Variants in SAMD4B observed in about 807,000 individuals in gnomAD.
SAMD4B encodes protein Smaug homolog 2.
A neutral mutation model predicts 74.5 loss-of-function variants in SAMD4B; 5 were observed. The observed-to-expected ratio is 0.07, with a 90% CI of 0.04 to 0.14. The LOEUF (loss-of-function observed/expected upper bound fraction) is 0.14. Ranked by LOEUF, SAMD4B falls within the 10% of genes least tolerant of loss-of-function variation. The pLI, the probability that SAMD4B is intolerant of heterozygous loss-of-function variation, is 1.00. For missense variants in SAMD4B, 608 were observed against 921.8 expected, an observed-to-expected ratio of 0.66 and a Z score of 4.41; for synonymous variants, 373 against 374.9, an observed-to-expected ratio of 1.00 and a Z score of 0.06.
rs570647494 is a variant in SAMD4B, at chr19:39,380,247, C to T, written c.1649+163C>T. On this transcript the variant is annotated intron_variant, in intron 10 of 13. Coordinates refer to ENST00000610417, the MANE Select transcript of SAMD4B (RefSeq NM_001384574.2). ...ATTTCCACTAGAATAGGATGCTGAGCTGAAAAACAACACATGTCCCATGAG... is the reference window on the plus strand; with the variant it reads ...ATTTCCACTAGAATAGGATGCTGAGTTGAAAAACAACACATGTCCCATGAG... Among the ~76,000 whole-genome samples the T allele has an allele frequency of 7.3e-4, 111 of 152,298 alleles. 1 individual carries two copies. Among genetic ancestry groups the T allele is most frequent in the African/African-American group, 2.6e-3 (107 of 41,566 alleles).
intron 12 of SAMD4B, among the ~76,000 whole-genome samples, chr19:39,382,711 ATGG>A (rs2078072074): frequency 6.6e-6 from 1 of 152,166 alleles, no homozygotes; most frequent in South Asian, 2.1e-4. Flanking sequence ...GACAAGTCCC[ATGG>A]TGGTTGTCCT....
chr19:39,383,096 C>T lies in SAMD4B; in HGVS notation c.1973-112C>T, dbSNP rs988792218. On this transcript the variant is annotated intron_variant, in intron 12 of 13. Coordinates refer to ENST00000610417, the MANE Select transcript of SAMD4B (RefSeq NM_001384574.2). The surrounding 1 kb of genome is among the most constrained non-coding windows in gnomAD (Gnocchi z 4.1). ...TCCACCTCCTCCCGTTCTTCCCTCT[C>T]CCCCTCCATCTCTCTTGCTCCCTTC... is the stretch of plus-strand genomic sequence containing the variant. 1 of 846,218 alleles carries T rather than the reference C, an allele frequency of 1.2e-6. No homozygotes were observed. The highest frequency in any genetic ancestry group is 2.1e-6 in the Non-Finnish European group (1 of 486,670). 52.4% of individuals were successfully genotyped at this position (846,218 alleles called of 1,614,324 possible).
rs192180135 is a variant in SAMD4B, at chr19:39,375,329, G to A, written c.668-321G>A. 3.1e-3 allele frequency among the ~76,000 whole-genome samples: 471 copies of A among 152,316 alleles called. 7 individuals carry two copies. In the South Asian group the frequency reaches 0.047, roughly 15 times the overall value. On this transcript the variant is annotated intron_variant, in intron 4 of 13. Transcript: ENST00000610417. This position sits in a 1 kb window ranked among gnomAD's most constrained non-coding sequence, Gnocchi z 4.1. ...AGAAGGACCTTTATGGCTGTTGTGA[G>A]GGGCGTGGACTGTAGGAGGCAAGAG... is the stretch of plus-strand genomic sequence containing the variant.
At position 39,385,390 on chromosome 19, in the gene SAMD4B, G is replaced by T; in HGVS notation, c.*1863G>T. The T allele has an allele frequency of 2.5e-6, 1 of 406,170 alleles. No individual in the cohort carries two copies. Among genetic ancestry groups the T allele is most frequent in the Non-Finnish European group, 4.3e-6 (1 of 230,244 alleles). The allele number at this position is 406,170 out of a possible 1,614,324, so 25.2% of individuals were successfully genotyped here. ...TGCCTGGCACTGGGAGGTGGTGAGG[G>T]ACACCGTCTCACACACACAGGGAGG... On this transcript the variant is annotated 3_prime_UTR_variant, in exon 14 of 14. Transcript: ENST00000610417.
intron 1 of SAMD4B, among the ~76,000 whole-genome samples, chr19:39,344,204 C>T (rs978259373): frequency 6.6e-6 from 1 of 152,114 alleles, no homozygotes; most frequent in African/African-American, 2.4e-5. Context: ...AAGACCCTCA[C>T]ACACACCTAA....
chr19:39,387,873 C>T (rs2078287517), downstream of SAMD4B, among the ~76,000 whole-genome samples: 1 of 152,220 alleles, frequency 6.6e-6, no homozygotes, highest in African/African-American at 2.4e-5. Flanking sequence ...CGTGGTGGCT[C>T]ACACCTGTAA....
At chr19:39,346,943 A>G (rs2075737529) in intron 1 of SAMD4B, among the ~76,000 whole-genome samples, 1 of 152,248 alleles carries the variant, frequency 6.6e-6, no homozygotes, top group South Asian at 2.1e-4. Flanking sequence ...AGTACTTAGA[A>G]CAATGTCTTG....
In SAMD4B at chr19:39,378,809, A is replaced by G. The variant is rs2077763128; in HGVS notation, c.1530+220A>G. On this transcript the variant is annotated intron_variant, in intron 9 of 13. Coordinates refer to ENST00000610417, the MANE Select transcript of SAMD4B (RefSeq NM_001384574.2). The surrounding 1 kb of genome is among the most constrained non-coding windows in gnomAD (Gnocchi z 4.4). ...GCAGTCCCAGCTACGCGGGAGGCTG[A>G]GGCAGAATGGCGTGAACCCGGCAGG... Among the ~76,000 whole-genome samples, 3 of 152,368 alleles carry G rather than the reference A, an allele frequency of 2.0e-5. No individual in the cohort carries two copies. The South Asian group carries it at 6.2e-4, about 32-fold the overall frequency.
At chr19:39,344,976 A>G (rs961735593) in intron 1 of SAMD4B, among the ~76,000 whole-genome samples, 11 of 152,018 alleles carry the variant, frequency 7.2e-5, no homozygotes, top group African/African-American at 2.4e-4. Flanking sequence ...CCCTTCCCCT[A>G]TAGCAGTGGT....
chr19:39,347,038 C>T (rs933685923), intron 1 of SAMD4B, among the ~76,000 whole-genome samples: 2 of 152,072 alleles, frequency 1.3e-5, no homozygotes, highest in African/African-American at 4.8e-5. Flanking sequence ...GTGATAGAAC[C>T]TTAGCTCAAA....
chr19:39,376,254 AG>A (rs1336291584), intron 5 of SAMD4B, among the ~76,000 whole-genome samples, 182 bp from the exon 6 acceptor site: 1 of 152,176 alleles, frequency 6.6e-6, no homozygotes, highest in Non-Finnish European at 1.5e-5. Flanking sequence ...TTCCCAGGGA[AG>A]GCTGCCTGAG....
chr19:39,387,229 T>C (rs1342197302), downstream of SAMD4B: 1 of 419,798 alleles, frequency 2.4e-6, no homozygotes, highest in South Asian at 1.8e-5. Context: ...TACTGAATAC[T>C]GCAGGCAATT....
chr19:39,362,859 G>A (rs2076734926), intron 3 of SAMD4B, among the ~76,000 whole-genome samples: 2 of 152,034 alleles, frequency 1.3e-5, no homozygotes, highest in South Asian at 4.2e-4. Context: ...TTCAGTCTGG[G>A]TGGGGAAACT....
Position 39,383,539 on chromosome 19 carries a change from G to GC in SAMD4B, c.*15dup, listed in dbSNP as rs2078131802. On this transcript the variant is annotated 3_prime_UTR_variant, in exon 14 of 14. Coordinates refer to ENST00000610417, the MANE Select transcript of SAMD4B (RefSeq NM_001384574.2). This position sits in a 1 kb window ranked among gnomAD's most constrained non-coding sequence, Gnocchi z 4.1. ...CCTCCACCATCTGACGGGACCCACA[G>GC]CCCAGCGCACCCATAGGCTCCCTGG... 9 of 1,614,254 alleles carry GC rather than the reference G, an allele frequency of 5.6e-6. No homozygotes were observed. The highest frequency in any genetic ancestry group is 7.6e-6 in the Non-Finnish European group (9 of 1,180,040).
downstream of SAMD4B, chr19:39,390,296 G>A (rs2078349883): frequency 6.2e-7 from 1 of 1,610,114 alleles, no homozygotes; most frequent in Non-Finnish European, 8.5e-7. Flanking sequence ...GGGCCTAGTG[G>A]AGAAGAAAGA....
rs1309618201 is a variant in SAMD4B at position 39,369,987 on chromosome 19, G to C, written c.529G>C (p.Gly177Arg). The C allele has an allele frequency of 3.7e-6, 6 of 1,613,274 alleles. No homozygotes were observed. In the African/African-American group the frequency reaches 5.3e-5, roughly 14 times the overall value. ...ACGTCAAGGCTCAGATGAGTGGGGG[G>C]GCCCTGCAGAGCTAGGCCCTGGGGA... ...HSRQGSDEWG[G>R]PAELGPGEAG... The change falls in exon 4 of 14, where the codon GGC (glycine) becomes CGC (arginine). Residue 177 changes from glycine to arginine, a missense_variant. This residue lies in a region of SAMD4B where 153 missense variants were observed against 153.0 expected (regional missense o/e 1.00). Coordinates refer to ENST00000610417, the MANE Select transcript of SAMD4B (RefSeq NM_001384574.2).
chr19:39,382,066 G>A (rs562200445), intron 12 of SAMD4B, among the ~76,000 whole-genome samples: 1 of 151,998 alleles, frequency 6.6e-6, no homozygotes, highest in South Asian at 2.1e-4. Context: ...GATAAGGCTC[G>A]TCTGGAATGG....
chr19:39,385,439 T>A lies in SAMD4B; in HGVS notation c.*1912T>A. Reference sequence around the variant, plus strand: ...GGCAAGAGCTGCCCCCCACCCCACCTGACAGCAGAGTGTGCAGGACGCAGG... The same window carrying A: ...GGCAAGAGCTGCCCCCCACCCCACCAGACAGCAGAGTGTGCAGGACGCAGG... On this transcript the variant is annotated 3_prime_UTR_variant, in exon 14 of 14. Transcript: ENST00000610417. 8 of 389,632 alleles carry A rather than the reference T, an allele frequency of 2.1e-5. No individual in the cohort carries two copies. The highest frequency in any genetic ancestry group is 3.7e-5 in the East Asian group (1 of 27,244). 24.1% of individuals were successfully genotyped at this position (389,632 alleles called of 1,614,324 possible).
chr19:39,361,240 C>G (rs1426659386), intron 3 of SAMD4B, among the ~76,000 whole-genome samples: 1 of 152,012 alleles, frequency 6.6e-6, no homozygotes, highest in African/African-American at 2.4e-5. Flanking sequence ...GAAAATCTTC[C>G]CCTCCTCCCC....
Sources: allele counts gnomAD v4.1 joint callset (sites outside exome capture counted in the v4.1 genomes callset), GRCh38; gene constraint gnomAD v4.1.1; regional missense constraint gnomAD v4.1.1; non-coding constraint Gnocchi (gnomAD v3.1); transcripts MANE v1.5; gene names NCBI Gene and HGNC (gene_info 2026-07-23, HGNC 2026-07-21).